Variants in AGBL1 observed in about 807,000 individuals in gnomAD.
The protein encoded by AGBL1 is AGBL carboxypeptidase 1.
In AGBL1, 130 loss-of-function variants were observed where a neutral mutation model predicts 118.9. The observed-to-expected ratio is 1.09, with a 90% CI of 0.95 to 1.26. The LOEUF is 1.26. Ranked by LOEUF, AGBL1 falls within the 50% of genes most tolerant of loss-of-function variation. The pLI, the probability that AGBL1 is intolerant of heterozygous loss-of-function variation, is 0.00. For synonymous variants in AGBL1, 555 were observed against 478.9 expected, an observed-to-expected ratio of 1.16 and a Z score of -2.08; for missense variants, 1,584 against 1,298.1, an observed-to-expected ratio of 1.22 and a Z score of -3.38.
chr15:86,215,217 ATGTATGCGTGTGTGTG>A (rs1388193689), intron 5 of AGBL1, among the ~76,000 whole-genome samples: 14 of 128,280 alleles, frequency 1.1e-4, no homozygotes, highest in African/African-American at 3.9e-4. Flanking sequence ...GTGAGTGTAT[ATGTATGCGTGTGTGTG>A]TGTGTGTGTG....
chr15:86,664,863 C>A (rs564575206), intron 21 of AGBL1, among the ~76,000 whole-genome samples: 1 of 149,444 alleles, frequency 6.7e-6, no homozygotes, highest in African/African-American at 2.5e-5. Context: ...AAAATAATAT[C>A]TTAATTCAGA....
intron 16 of AGBL1, among the ~76,000 whole-genome samples, chr15:86,283,663 G>C (rs2079392429): frequency 6.6e-6 from 1 of 152,148 alleles, no homozygotes; most frequent in South Asian, 2.1e-4. Context: ...GATGCAATGA[G>C]CAGGCCATAA....
chr15:86,454,814 A>G (rs2082240408), intron 18 of AGBL1, among the ~76,000 whole-genome samples: 1 of 152,214 alleles, frequency 6.6e-6, no homozygotes, highest in Non-Finnish European at 1.5e-5. Context: ...GAGTGATTAC[A>G]GAGATGTACC....
chr15:86,248,014 C>A, intron 7 of AGBL1, 135 bp downstream of exon 7: 2 of 1,223,762 alleles, frequency 1.6e-6, no homozygotes, highest in African/African-American at 1.5e-5. Flanking sequence ...GGCGGATGTT[C>A]TGGATTTAAG....
At chr15:86,267,864 T>C (rs1287494247) in intron 13 of AGBL1, among the ~76,000 whole-genome samples, 1 of 152,154 alleles carries the variant, frequency 6.6e-6, no homozygotes, top group Non-Finnish European at 1.5e-5. Context: ...CAGATAATGG[T>C]GTGGTGGCCA....
At chr15:86,975,325 G>A (rs2081163941) in intron 23 of AGBL1, among the ~76,000 whole-genome samples, 1 of 152,034 alleles carries the variant, frequency 6.6e-6, no homozygotes. Context: ...AGGCAAGAGA[G>A]CATGTGCAGG....
At chr15:86,691,576 G>C (rs1486476486) in intron 22 of AGBL1, among the ~76,000 whole-genome samples, 1 of 152,102 alleles carries the variant, frequency 6.6e-6, no homozygotes, top group East Asian at 1.9e-4. Flanking sequence ...GAGGGAAAAT[G>C]CCAGGAACAA....
intron 22 of AGBL1, among the ~76,000 whole-genome samples, chr15:86,891,007 T>A (rs2080044555): frequency 6.6e-6 from 1 of 152,242 alleles, no homozygotes; most frequent in Admixed American, 6.5e-5. Context: ...ATTTTCACTA[T>A]ATTAATTCTT....
At chr15:86,783,556 G>A (rs2078364748) in intron 22 of AGBL1, among the ~76,000 whole-genome samples, 1 of 152,168 alleles carries the variant, frequency 6.6e-6, no homozygotes, top group Non-Finnish European at 1.5e-5. Context: ...CCTGCCATTG[G>A]CTTTCTTTGC....
chr15:86,919,547 C>G (rs141358582), downstream of AGBL1, among the ~76,000 whole-genome samples: 55 of 150,930 alleles, frequency 3.6e-4, no homozygotes, highest in African/African-American at 1.2e-3. Flanking sequence ...CAATGACTAG[C>G]TGCTTAGTTG....
intron 22 of AGBL1, among the ~76,000 whole-genome samples, chr15:86,873,393 C>T (rs1596576379): frequency 2.0e-5 from 3 of 152,286 alleles, no homozygotes; most frequent in South Asian, 4.1e-4. Flanking sequence ...TAAGAATCGA[C>T]TTTTGTTCAG....
At chr15:86,585,675 G>A (rs2084236756) in intron 21 of AGBL1, among the ~76,000 whole-genome samples, 1 of 152,052 alleles carries the variant, frequency 6.6e-6, no homozygotes, top group African/African-American at 2.4e-5. Context: ...TGAGCTATTT[G>A]GACACCACTC....
intron 21 of AGBL1, among the ~76,000 whole-genome samples, chr15:86,557,843 AT>A (rs1314831819): frequency 6.6e-6 from 1 of 152,154 alleles, no homozygotes; most frequent in African/African-American, 2.4e-5. Context: ...ATAAATGGCA[AT>A]TTCCAAGCCC....
chr15:86,886,732 G>A (rs550482094), intron 22 of AGBL1, among the ~76,000 whole-genome samples: 50 of 152,248 alleles, frequency 3.3e-4, no homozygotes, highest in African/African-American at 8.4e-4. Flanking sequence ...TCAATTAGCC[G>A]TGGCAAGAAG....
chr15:86,425,319 C>T (rs555429787), intron 18 of AGBL1, among the ~76,000 whole-genome samples: 3 of 151,134 alleles, frequency 2.0e-5, no homozygotes, highest in African/African-American at 4.9e-5. Flanking sequence ...TGTTCTCACT[C>T]ATAAGTGGGA....
At position 86,554,543 on chromosome 15, in the gene AGBL1, T is replaced by C. The variant is rs201078737; in HGVS notation, c.2994+6T>C. On this transcript the variant is annotated splice_donor_region_variant and intron_variant, in intron 21 of 22. Coordinates refer to ENST00000614907, the MANE Select transcript of AGBL1 (RefSeq NM_001386094.1). ...GCAACCAGGGCCCTTATCAGGTATG[T>C]GAGGCTGCAGGACACCCATACTTTC... The C allele has an allele frequency of 4.4e-3, 6,636 of 1,493,132 alleles. 26 individuals carry two copies. Among genetic ancestry groups the C allele is most frequent in the Non-Finnish European group, 5.4e-3 (6,059 of 1,122,778 alleles). 92.5% of individuals were successfully genotyped at this position (1,493,132 alleles called of 1,614,324 possible). A position where few individuals can be genotyped will look rare whatever the true frequency, so the allele number is the denominator to read the frequency against.
At chr15:86,675,541 A>T (rs957593413) in intron 22 of AGBL1, among the ~76,000 whole-genome samples, 3 of 152,086 alleles carry the variant, frequency 2.0e-5, no homozygotes, top group African/African-American at 7.2e-5. Context: ...CTTTCCATAG[A>T]GCTGCCGTTG....
intron 22 of AGBL1, among the ~76,000 whole-genome samples, chr15:86,807,407 A>T (rs143825312): frequency 0.011 from 1,751 of 152,292 alleles, 23 homozygotes; most frequent in Middle Eastern, 0.061. Context: ...ACATAGTAGG[A>T]GCACCAAAAA....
chr15:87,002,096 G>A (rs1392882895), intron 24 of AGBL1, among the ~76,000 whole-genome samples: 1 of 152,000 alleles, frequency 6.6e-6, no homozygotes, highest in Non-Finnish European at 1.5e-5. Flanking sequence ...TTCTTCTAGG[G>A]TTTTTATGGT....
Sources: gnomAD v4.1 joint callset for allele counts (sites outside exome capture counted in the v4.1 genomes callset) on GRCh38, gnomAD v4.1.1 for gene constraint, MANE v1.5 for transcripts, NCBI Gene and HGNC (gene_info 2026-07-23, HGNC 2026-07-21) for gene names.